STK26: variants seen among roughly 807,000 people sequenced by gnomAD.
STK26 encodes the protein serine/threonine kinase 26.
STK26 carries 14 observed loss-of-function variants against 34.7 expected under a neutral mutation model. The observed-to-expected ratio is 0.40, with a 90% CI of 0.27 to 0.63. The LOEUF (loss-of-function observed/expected upper bound fraction) is 0.63. Ranked by LOEUF, STK26 falls within the 30% of genes least tolerant of loss-of-function variation. The pLI is 0.38. For synonymous variants in STK26, 100 were observed against 109.8 expected (o/e 0.91, Z 0.56); for missense variants, 226 against 309.1 (o/e 0.73, Z 2.02).
At chrX:132,068,083 G>T in intron 4 of STK26, 132 bp from the exon 5 acceptor site, 1 of 433,750 alleles carries the variant, frequency 2.3e-6, no homozygotes, top group Non-Finnish European at 3.7e-6. Flanking sequence ...TCCTTGTTTA[G>T]ATATTGGTTT....
intron 2 of STK26, among the ~76,000 whole-genome samples, chrX:132,038,321 T>C (rs192301939): frequency 8.9e-6 from 1 of 111,821 alleles, no homozygotes; most frequent in African/African-American, 3.2e-5. Flanking sequence ...GTAATAGTCA[T>C]TTGTTTTTTC....
rs1438972485 is a variant in STK26, at chrX:132,063,492, A to G, written c.330+3A>G. The G allele has an allele frequency of 1.7e-6, 2 of 1,200,750 alleles. No individual in the cohort carries two copies. Among genetic ancestry groups the G allele is most frequent in the African/African-American group, 3.5e-5 (2 of 57,121 alleles). On this transcript the variant is annotated splice_donor_region_variant and intron_variant, in intron 4 of 11. Transcript: ENST00000394334. ...GCGGTGGTTCAGCACTGGATCTTGTAAGTATTTTAAAATAGTTACACACAG... is the reference window on the plus strand; with the variant it reads ...GCGGTGGTTCAGCACTGGATCTTGTGAGTATTTTAAAATAGTTACACACAG...
chrX:132,061,812 A>G (rs1878417885), intron 3 of STK26, among the ~76,000 whole-genome samples: 1 of 110,877 alleles, frequency 9.0e-6, no homozygotes. Context: ...CCTCATGGAG[A>G]TGCCTGGAAA....
intron 9 of STK26, 59 bp from the exon 10 acceptor site, chrX:132,072,754 A>G (rs1927456713): frequency 9.0e-7 from 1 of 1,115,530 alleles, no homozygotes; most frequent in South Asian, 1.9e-5. Context: ...GTTAAAGAAT[A>G]AGAAAATCAT....
chrX:132,055,441 T>A, intron 3 of STK26: 8 of 1,149,935 alleles, frequency 7.0e-6, no homozygotes, highest in Non-Finnish European at 9.2e-6. Flanking sequence ...AAAGTTGGAT[T>A]TTTACTGGTT....
intron 8 of STK26, among the ~76,000 whole-genome samples, chrX:132,071,552 T>C (rs1253701853): frequency 8.9e-6 from 1 of 112,186 alleles, no homozygotes; most frequent in Non-Finnish European, 1.9e-5. Context: ...TCTCATACTT[T>C]GATGGCAACC....
intron 3 of STK26, among the ~76,000 whole-genome samples, chrX:132,061,524 T>A (rs996706430): frequency 8.9e-6 from 1 of 112,308 alleles, no homozygotes; most frequent in Non-Finnish European, 1.9e-5. Context: ...TGGCCATCTA[T>A]GTCAGGACAG....
At chrX:132,054,586 A>G in intron 2 of STK26, 45 bp from the exon 3 acceptor site, 1 of 1,106,054 alleles carries the variant, frequency 9.0e-7, no homozygotes, top group Middle Eastern at 2.5e-4. Flanking sequence ...AATTTGATTC[A>G]AAACATTTGT....
At chrX:132,030,448 T>G (rs1786962333) in intron 2 of STK26, among the ~76,000 whole-genome samples, 1 of 111,353 alleles carries the variant, frequency 9.0e-6, no homozygotes. Flanking sequence ...TAAAAAACTG[T>G]TTTACTTCCT....
chrX:132,032,249 G>A (rs1426732438), intron 2 of STK26, among the ~76,000 whole-genome samples: 1 of 112,064 alleles, frequency 8.9e-6, no homozygotes, highest in Non-Finnish European at 1.9e-5. Context: ...CCATTGGTAT[G>A]TCTTAGCTTT....
At position 132,044,713 on chromosome X, in the gene STK26, ATATATATATT is replaced by A. The variant is rs1569330095; in HGVS notation, c.43-9908_43-9899del. Among the ~76,000 whole-genome samples, 134 of 63,822 alleles carry A rather than the reference ATATATATATT, an allele frequency of 2.1e-3. 6 individuals carry two copies. Among genetic ancestry groups the A allele is most frequent in the Non-Finnish European group, 3.1e-3 (104 of 33,786 alleles). 55.4% of individuals were successfully genotyped at this position (63,822 alleles called of 115,157 possible). On this transcript the variant is annotated intron_variant, in intron 2 of 11. Coordinates refer to ENST00000394334, the MANE Select transcript of STK26 (RefSeq NM_016542.4). ...TAGAGAGAGAGAGAGAGAGAGATCT[ATATATATATT>A]TATATATATATAGAGAGATCTATAT...
Position 132,023,595 on chromosome X carries a change from G to T in STK26, c.-23G>T, listed in dbSNP as rs1423057522. 1 of 1,170,074 alleles carries T rather than the reference G, an allele frequency of 8.5e-7. No homozygotes were observed. Among genetic ancestry groups the T allele is most frequent in the Non-Finnish European group, 1.1e-6 (1 of 874,272 alleles). ...CCCAAGGCGCCACCGCCGCAGAAGC[G>T]GAGCGAGGCAGCATTCGCCTCCATG... On this transcript the variant is annotated 5_prime_UTR_variant, in exon 2 of 12. Coordinates refer to ENST00000394334, the MANE Select transcript of STK26 (RefSeq NM_016542.4).
chrX:132,040,573 A>T (rs1319608048), intron 2 of STK26, among the ~76,000 whole-genome samples: 1 of 112,194 alleles, frequency 8.9e-6, no homozygotes, highest in Non-Finnish European at 1.9e-5. Context: ...GAGAAAGAAA[A>T]TAAAAATGGG....
At chrX:132,052,451 A>G (rs1926723161) in intron 2 of STK26, among the ~76,000 whole-genome samples, 1 of 112,066 alleles carries the variant, frequency 8.9e-6, no homozygotes, top group Non-Finnish European at 1.9e-5. Flanking sequence ...CAAACATTGT[A>G]TAAATGATGG....
At chrX:132,071,673 T>C (rs1382949923) in intron 8 of STK26, among the ~76,000 whole-genome samples, 2 of 112,032 alleles carry the variant, frequency 1.8e-5, no homozygotes, top group Non-Finnish European at 3.8e-5. Context: ...TGATTTTTAT[T>C]TCTTGAAAAA....
At position 132,074,136 on chromosome X, in the gene STK26, T is replaced by C; in HGVS notation, c.1228T>C (p.Cys410Arg). 1 of 1,205,051 alleles carries C rather than the reference T, an allele frequency of 8.3e-7. No homozygotes were observed. The highest frequency in any genetic ancestry group is 1.1e-6 in the Non-Finnish European group (1 of 891,498). ...TTAAATTTTTTAAAAATTTTATAGGTGTTCAGCAGACGAATCCCCCTAAGA... is the reference window on the plus strand; with the variant it reads ...TTAAATTTTTTAAAAATTTTATAGGCGTTCAGCAGACGAATCCCCCTAAGA... ...VKKLIEKFQK[C>R]SADESP The change falls in exon 12 of 12, where the codon TGT (cysteine) becomes CGT (arginine). Residue 410 changes from cysteine to arginine, a missense_variant and splice_region_variant. By Grantham distance (180) the Cys-to-Arg change is radical. This residue lies in a region of STK26 where 126 missense variants were observed against 132.4 expected (regional missense o/e 0.95). Coordinates refer to ENST00000394334, the MANE Select transcript of STK26 (RefSeq NM_016542.4).
intron 3 of STK26, among the ~76,000 whole-genome samples, chrX:132,060,410 A>G (rs1227837534): frequency 9.0e-6 from 1 of 111,106 alleles, no homozygotes; most frequent in Non-Finnish European, 1.9e-5. Flanking sequence ...TTTTCTAGCC[A>G]TATTCTTGGC....
intron 2 of STK26, among the ~76,000 whole-genome samples, chrX:132,044,710 T>G (rs868848973): frequency 3.5e-5 from 2 of 56,969 alleles, no homozygotes; most frequent in Non-Finnish European, 6.6e-5. Context: ...GAGAGAGAGA[T>G]CTATATATAT....
In STK26 at chrX:132,044,796, T is replaced by TAG. The variant is rs1374000983; in HGVS notation, c.43-9827_43-9826dup. ...AGATCTATATATATATTTATATATA[T>TAG]AGAGAGAGATCTATATATATATTTA... On this transcript the variant is annotated intron_variant, in intron 2 of 11. Coordinates refer to ENST00000394334, the MANE Select transcript of STK26 (RefSeq NM_016542.4). Among the ~76,000 whole-genome samples the TAG allele has an allele frequency of 2.9e-3, 104 of 35,338 alleles. 3 individuals are homozygous for TAG. The highest frequency in any genetic ancestry group is 0.014 in the African/African-American group (97 of 6,870). 30.7% of individuals were successfully genotyped at this position (35,338 alleles called of 115,157 possible).
Sources: gnomAD v4.1 joint callset for allele counts (sites outside exome capture counted in the v4.1 genomes callset) on GRCh38, gnomAD v4.1.1 for gene constraint, gnomAD v4.1.1 regional missense constraint, MANE v1.5 for transcripts, NCBI Gene and HGNC (gene_info 2026-07-23, HGNC 2026-07-21) for gene names.